The following TSPAN12 variants were observed in gnomAD, a reference collection of about 807,000 sequenced individuals.
TSPAN12 encodes tetraspanin-12.
TSPAN12 carries 19 observed loss-of-function variants against 39.2 expected under a neutral mutation model. That is an observed-to-expected ratio of 0.49 (90% CI 0.34 to 0.71). The LOEUF is 0.71. Ranked by LOEUF, TSPAN12 falls within the 30% of genes least tolerant of loss-of-function variation. The pLI is 0.01. For synonymous variants in TSPAN12, 119 were observed against 124.8 expected (o/e 0.95, Z 0.31); for missense variants, 314 against 359.9 (o/e 0.87, Z 1.03).
At chr7:120,848,809 C>T (rs956064471) in intron 2 of TSPAN12, among the ~76,000 whole-genome samples, 7 of 152,166 alleles carry the variant, frequency 4.6e-5, no homozygotes, top group African/African-American at 1.7e-4. Flanking sequence ...GTTTCATCCT[C>T]AACAAGTGAG....
At chr7:120,813,139 A>G (rs545566382) in intron 5 of TSPAN12, among the ~76,000 whole-genome samples, 9 of 152,374 alleles carry the variant, frequency 5.9e-5, no homozygotes, top group Admixed American at 5.2e-4. Context: ...CTAAAAGCAC[A>G]AAGCCCATTC....
chr7:120,816,374 A>AC (rs397768126), intron 4 of TSPAN12, among the ~76,000 whole-genome samples: 18 of 151,060 alleles, frequency 1.2e-4, no homozygotes, highest in Middle Eastern at 3.2e-3. Flanking sequence ...GCAAAAAAAA[A>AC]CACAAAGTTG....
At position 120,787,947 on chromosome 7, in the gene TSPAN12, A is replaced by G. The variant is rs1231569531; in HGVS notation, c.*645T>C. On this transcript the variant is annotated 3_prime_UTR_variant, in exon 8 of 8. Transcript: ENST00000222747. The stretch of plus-strand genomic sequence containing the variant: ...CCTTTTCATAATGGTTATTCTTAAC[A>G]TTATCAGAACTGAAATCGACTGAAT... The G allele has an allele frequency of 2.6e-5, 4 of 153,316 alleles. No homozygotes were observed. Among genetic ancestry groups the G allele is most frequent in the Non-Finnish European group, 4.4e-5 (3 of 68,616 alleles). The allele number at this position is 153,316 out of a possible 1,614,324, so 9.5% of individuals were successfully genotyped here. A position where few individuals can be genotyped will look rare whatever the true frequency, so the allele number is the denominator to read the frequency against.
At chr7:120,788,973 A>G in intron 7 of TSPAN12, 76 bp from the exon 8 acceptor site, 2 of 1,444,592 alleles carry the variant, frequency 1.4e-6, no homozygotes, top group Non-Finnish European at 1.9e-6. Flanking sequence ...AAAGCAAACA[A>G]TCTGTATCAG....
chr7:120,823,145 A>G (rs919826293), intron 4 of TSPAN12, among the ~76,000 whole-genome samples: 1 of 152,156 alleles, frequency 6.6e-6, no homozygotes, highest in Non-Finnish European at 1.5e-5. Flanking sequence ...GAGAAGGACA[A>G]TGACTTGGAA....
chr7:120,856,115 A>T (rs1311559322), intron 2 of TSPAN12, among the ~76,000 whole-genome samples: 1 of 152,190 alleles, frequency 6.6e-6, no homozygotes, highest in Non-Finnish European at 1.5e-5. Context: ...GGATTTTCCA[A>T]AAGCATACAC....
At position 120,794,269 on chromosome 7, in the gene TSPAN12, A is replaced by C. The variant is rs775299151; in HGVS notation, c.613-5372T>G. Among the ~76,000 whole-genome samples, 7 of 152,358 alleles carry C rather than the reference A, an allele frequency of 4.6e-5. 1 individual carries two copies. In the Middle Eastern group the frequency reaches 0.014, roughly 296 times the overall value. On this transcript the variant is annotated intron_variant, in intron 7 of 7. Coordinates refer to ENST00000222747, the MANE Select transcript of TSPAN12 (RefSeq NM_012338.4). ...ATGTTTCTTTGCTGACTCATTAGGCATGTAGAAACTTGCAGCAGACAGGCG... is the reference window on the plus strand; with the variant it reads ...ATGTTTCTTTGCTGACTCATTAGGCCTGTAGAAACTTGCAGCAGACAGGCG...
intron 4 of TSPAN12, among the ~76,000 whole-genome samples, chr7:120,837,756 T>A (rs1358516318): frequency 6.6e-6 from 1 of 152,242 alleles, no homozygotes; most frequent in Non-Finnish European, 1.5e-5. Context: ...AGATTCTGTT[T>A]TAATTGACTT....
At chr7:120,832,489 ATCT>A (rs985344476) in intron 4 of TSPAN12, among the ~76,000 whole-genome samples, 4 of 152,012 alleles carry the variant, frequency 2.6e-5, no homozygotes, top group East Asian at 3.8e-4. Context: ...GTTGCTGTAA[ATCT>A]TCTTCCTTCC....
intron 2 of TSPAN12, among the ~76,000 whole-genome samples, chr7:120,847,335 A>G (rs1794689889): frequency 1.3e-5 from 2 of 152,110 alleles, no homozygotes; most frequent in South Asian, 4.1e-4. Context: ...AATCTTTCTC[A>G]GTCAGTCTGA....
At chr7:120,812,671 C>A (rs764514820) in intron 5 of TSPAN12, among the ~76,000 whole-genome samples, 6 of 151,972 alleles carry the variant, frequency 3.9e-5, no homozygotes, top group Non-Finnish European at 7.4e-5. Flanking sequence ...AAATAATGGG[C>A]TAAACGGGTG....
intron 2 of TSPAN12, among the ~76,000 whole-genome samples, chr7:120,844,706 C>T (rs186553531): frequency 5.9e-5 from 9 of 152,324 alleles, no homozygotes; most frequent in East Asian, 3.9e-4. Context: ...CCTGTGGTTC[C>T]GCAGGGTACA....
chr7:120,852,759 A>G (rs1378245481), intron 2 of TSPAN12, among the ~76,000 whole-genome samples: 1 of 152,150 alleles, frequency 6.6e-6, no homozygotes, highest in African/African-American at 2.4e-5. Flanking sequence ...CTTCTACTAC[A>G]CTTGGATAAA....
intron 2 of TSPAN12, among the ~76,000 whole-genome samples, chr7:120,852,191 T>A (rs112874950): frequency 0.045 from 6,821 of 152,212 alleles, 271 homozygotes; most frequent in African/African-American, 0.1. Context: ...AGATTTATTT[T>A]TTTTTCCCTA....
chr7:120,824,449 A>C (rs546349330), intron 4 of TSPAN12, among the ~76,000 whole-genome samples: 17 of 152,134 alleles, frequency 1.1e-4, no homozygotes, highest in Admixed American at 5.9e-4. Context: ...TCAAAAAAAA[A>C]ACAAAAACCT....
At chr7:120,828,460 G>A (rs1794329692) in intron 4 of TSPAN12, among the ~76,000 whole-genome samples, 1 of 152,102 alleles carries the variant, frequency 6.6e-6, no homozygotes. Flanking sequence ...GAGCTTTCCA[G>A]TGTTATCACA....
chr7:120,802,711 T>A (rs1329767123), intron 7 of TSPAN12, among the ~76,000 whole-genome samples: 1 of 152,204 alleles, frequency 6.6e-6, no homozygotes, highest in African/African-American at 2.4e-5. Context: ...AGATCCAAAC[T>A]GAGGGTCAGA....
chr7:120,799,867 T>C (rs1271954710), intron 7 of TSPAN12, among the ~76,000 whole-genome samples: 1 of 138,866 alleles, frequency 7.2e-6, no homozygotes, highest in Non-Finnish European at 1.6e-5. Context: ...ATTAATATGA[T>C]ATATTACTAT....
intron 7 of TSPAN12, among the ~76,000 whole-genome samples, chr7:120,793,744 A>C (rs1793578100): frequency 6.6e-6 from 1 of 152,244 alleles, no homozygotes; most frequent in Non-Finnish European, 1.5e-5. Flanking sequence ...AAATATGCCA[A>C]CTTGCAATAT....
Sources: allele counts gnomAD v4.1 joint callset (sites outside exome capture counted in the v4.1 genomes callset), GRCh38; gene constraint gnomAD v4.1.1; transcripts MANE v1.5; gene names NCBI Gene and HGNC (gene_info 2026-07-23, HGNC 2026-07-21).